ZPBP: variants seen among roughly 807,000 people sequenced by gnomAD.
ZPBP encodes zona pellucida-binding protein 1.
In ZPBP, 26 loss-of-function variants were observed where a neutral mutation model predicts 44.8. The ratio of observed to expected loss-of-function variants is 0.58; its 90% CI spans 0.43 to 0.81. The LOEUF (loss-of-function observed/expected upper bound fraction) is 0.81, where lower values mean the gene tolerates loss of function less well. Among genes scored for constraint, ZPBP ranks in the 30% least tolerant of loss-of-function variants. The pLI is 0.00. For synonymous variants in ZPBP, 174 were observed against 153.2 expected, an observed-to-expected ratio of 1.14 and a Z score of -1.00; for missense variants, 409 against 434.0, an observed-to-expected ratio of 0.94 and a Z score of 0.51.
At chr7:49,898,746 C>G (rs1792535055) in intron 2 of ZPBP, among the ~76,000 whole-genome samples, 1 of 152,026 alleles carries the variant, frequency 6.6e-6, no homozygotes, top group Admixed American at 6.6e-5. Context: ...AAGATACTCT[C>G]ATTACCCACA....
At chr7:49,949,651 T>C (rs1417494566) in intron 7 of ZPBP, among the ~76,000 whole-genome samples, 1 of 151,960 alleles carries the variant, frequency 6.6e-6, no homozygotes, top group Admixed American at 6.6e-5. Flanking sequence ...GAGTTATTAT[T>C]TAATGGGTAT....
chr7:49,910,880 C>T (rs1315620337), intron 1 of ZPBP, among the ~76,000 whole-genome samples: 2 of 152,108 alleles, frequency 1.3e-5, no homozygotes, highest in African/African-American at 4.8e-5. Context: ...ATTCTCAGGC[C>T]CCAACCCAAA....
intron 4 of ZPBP, among the ~76,000 whole-genome samples, chr7:50,048,110 T>A (rs1911747): frequency 0.014 from 2,184 of 152,060 alleles, 61 homozygotes; most frequent in African/African-American, 0.05. Flanking sequence ...CAGAGTCAGG[T>A]ACAAGGAACA....
In ZPBP at chr7:49,909,378, G is replaced by A. The variant is rs1483323578; in HGVS notation, n.412-8163C>T. Reference sequence around the variant, plus strand: ...TCGAGCCAAAATATGAGTAATTAGGGAAATTTTAAACATAGGCACCATCCG... The same window carrying A: ...TCGAGCCAAAATATGAGTAATTAGGAAAATTTTAAACATAGGCACCATCCG... On this transcript the variant is annotated intron_variant and non_coding_transcript_variant, in intron 1 of 2. Coordinates refer to the ZPBP transcript ENST00000465922. Among the ~76,000 whole-genome samples, 3 of 152,014 alleles carry A rather than the reference G, an allele frequency of 2.0e-5. No homozygotes were observed. In the East Asian group the frequency reaches 5.8e-4, roughly 29 times the overall value.
intron 4 of ZPBP, 72 bp downstream of exon 4, chr7:50,057,917 A>G (rs1801046020): frequency 1.4e-6 from 2 of 1,390,878 alleles, no homozygotes; most frequent in Non-Finnish European, 2.0e-6. Flanking sequence ...CTTTAAGACA[A>G]GCCTACTTAA....
At chr7:50,017,359 C>T (rs1412997834) in intron 6 of ZPBP, among the ~76,000 whole-genome samples, 1 of 152,094 alleles carries the variant, frequency 6.6e-6, no homozygotes, top group Non-Finnish European at 1.5e-5. Context: ...GAAGGCAGAT[C>T]TCAGGTGGTA....
At chr7:50,082,811 C>T (rs976355615) in intron 2 of ZPBP, among the ~76,000 whole-genome samples, 22 of 151,672 alleles carry the variant, frequency 1.5e-4, no homozygotes, top group African/African-American at 5.1e-4. Context: ...AATGTTTGTT[C>T]TATATTGATT....
intron 3 of ZPBP, among the ~76,000 whole-genome samples, chr7:50,063,059 A>G (rs886077875): frequency 1.3e-5 from 2 of 152,232 alleles, no homozygotes; most frequent in Non-Finnish European, 2.9e-5. Flanking sequence ...TAATTGAGAC[A>G]TGCATTACAT....
intron 7 of ZPBP, among the ~76,000 whole-genome samples, chr7:49,961,508 C>G (rs867646264): frequency 6.6e-6 from 1 of 152,050 alleles, no homozygotes; most frequent in African/African-American, 2.4e-5. Context: ...GGGCAGGGGA[C>G]TTTTCTTGAC....
Position 50,089,604 on chromosome 7 carries a change from T to C in ZPBP, c.208+25A>G, listed in dbSNP as rs200969139. The C allele has an allele frequency of 6.4e-5, 97 of 1,525,584 alleles. No individual in the cohort carries two copies. The African/African-American group carries it at 1.3e-3, about 21-fold the overall frequency. The allele number at this position is 1,525,584 out of a possible 1,614,324, so 94.5% of individuals were successfully genotyped here. A position where few individuals can be genotyped will look rare whatever the true frequency, so the allele number is the denominator to read the frequency against. On this transcript the variant is annotated intron_variant, in intron 2 of 7. Transcript: ENST00000046087. ...AACAAATGCTAATAACTTTTAAAAATTAGTGAAAATATATTTATGAATACC... is the reference window on the plus strand; with the variant it reads ...AACAAATGCTAATAACTTTTAAAAACTAGTGAAAATATATTTATGAATACC...
intron 6 of ZPBP, among the ~76,000 whole-genome samples, chr7:50,016,981 C>A (rs1392258665): frequency 6.6e-6 from 1 of 152,044 alleles, no homozygotes; most frequent in Non-Finnish European, 1.5e-5. Context: ...CAGCAGTTCC[C>A]AGCCTTTTTG....
intron 2 of ZPBP, among the ~76,000 whole-genome samples, chr7:49,891,977 C>T (rs959132292): frequency 1.4e-5 from 2 of 147,492 alleles, no homozygotes; most frequent in African/African-American, 2.5e-5. Flanking sequence ...GATACAAATA[C>T]GGACCCTATA....
At chr7:50,017,543 A>G (rs1451936681) in intron 6 of ZPBP, among the ~76,000 whole-genome samples, 1 of 152,126 alleles carries the variant, frequency 6.6e-6, no homozygotes, top group Admixed American at 6.6e-5. Context: ...ACTGAGTACA[A>G]ATTAAGAAAG....
chr7:49,946,910 G>T (rs1037049919), intron 7 of ZPBP, among the ~76,000 whole-genome samples: 2 of 152,044 alleles, frequency 1.3e-5, no homozygotes, highest in African/African-American at 4.8e-5. Flanking sequence ...TTCTGACTGT[G>T]TATTTCCAAA....
At chr7:50,018,405 A>C (rs1169000000) in intron 5 of ZPBP, 89 bp from the exon 6 acceptor site, 2 of 1,068,166 alleles carry the variant, frequency 1.9e-6, no homozygotes, top group Non-Finnish European at 2.8e-6. Flanking sequence ...GGATATTCTA[A>C]CATTTCTCTT....
chr7:49,929,956 T>C (rs1044315472), intron 1 of ZPBP, among the ~76,000 whole-genome samples: 1 of 152,252 alleles, frequency 6.6e-6, no homozygotes, highest in African/African-American at 2.4e-5. Context: ...TTATTTTTTC[T>C]ATTAATCAGA....
chr7:50,049,100 C>T (rs1392217745), intron 4 of ZPBP, among the ~76,000 whole-genome samples: 1 of 151,930 alleles, frequency 6.6e-6, no homozygotes. Context: ...TAGGAAGACA[C>T]AAACTACTGA....
chr7:49,974,418 T>C (rs1346928899), intron 7 of ZPBP, among the ~76,000 whole-genome samples: 1 of 152,088 alleles, frequency 6.6e-6, no homozygotes, highest in African/African-American at 2.4e-5. Context: ...AGTGAGAAAC[T>C]GCTCAAAAAA....
chr7:49,871,401 A>G (rs1488938629), intron 2 of ZPBP, among the ~76,000 whole-genome samples: 1 of 152,204 alleles, frequency 6.6e-6, no homozygotes, highest in African/African-American at 2.4e-5. Flanking sequence ...ATATGAAATT[A>G]TGGTGAAAAC....
Sources: gnomAD v4.1 joint callset for allele counts (sites outside exome capture counted in the v4.1 genomes callset) on GRCh38, gnomAD v4.1.1 for gene constraint, MANE v1.5 for transcripts, NCBI Gene and HGNC (gene_info 2026-07-23, HGNC 2026-07-21) for gene names.